The following SLC17A1 variants were observed in gnomAD, a reference collection of about 807,000 sequenced individuals.
SLC17A1 encodes sodium-dependent phosphate transport protein 1.
SLC17A1 carries 51 observed loss-of-function variants against 53.5 expected under a neutral mutation model. The observed-to-expected ratio is 0.95, with a 90% CI of 0.76 to 1.20. The LOEUF (loss-of-function observed/expected upper bound fraction) is 1.20, where lower values mean the gene tolerates loss of function less well. SLC17A1 is among the 50% of genes most tolerant of loss of function. The pLI, the probability that SLC17A1 is intolerant of heterozygous loss-of-function variation, is 0.00. For missense variants in SLC17A1, 538 were observed against 568.2 expected, an observed-to-expected ratio of 0.95 and a Z score of 0.54; for synonymous variants, 179 against 198.8, an observed-to-expected ratio of 0.90 and a Z score of 0.84.
At chr6:25,776,791 G>C in the SLC17A1 span, 1 of 1,613,964 alleles carries the variant, frequency 6.2e-7, no homozygotes, top group Non-Finnish European at 8.5e-7. Context: ...AGTTTACTCT[G>C]TGTTTGTCCT....
At chr6:25,828,677 A>C (rs1161371240) in intron 2 of SLC17A1, among the ~76,000 whole-genome samples, 3 of 151,996 alleles carry the variant, frequency 2.0e-5, no homozygotes, top group African/African-American at 7.2e-5. Flanking sequence ...TATATATTGG[A>C]AGCTATTTTA....
At chr6:25,729,432 T>C in the SLC17A1 span, among the ~76,000 whole-genome samples, 7 of 152,242 alleles carry the variant, frequency 4.6e-5, no homozygotes, top group Admixed American at 2.0e-4. Flanking sequence ...TAGGATAAAG[T>C]AAAGGCAGGA....
At chr6:25,727,414 G>GT in the SLC17A1 span, 1 of 518,738 alleles carries the variant, frequency 1.9e-6, no homozygotes, top group Non-Finnish European at 3.0e-6. Flanking sequence ...TTTTTTTTTT[G>GT]AGGCGGAGTC....
chr6:25,775,038 A>C, the SLC17A1 span, among the ~76,000 whole-genome samples: 1 of 152,302 alleles, frequency 6.6e-6, no homozygotes, highest in Middle Eastern at 3.4e-3. Flanking sequence ...CTATATTGAA[A>C]CATAGAGTGG....
the SLC17A1 span, among the ~76,000 whole-genome samples, chr6:25,749,483 G>A: frequency 4.5e-4 from 64 of 142,322 alleles, no homozygotes; most frequent in Non-Finnish European, 7.9e-4. Flanking sequence ...CCTACAAGGA[G>A]ACAAAACCTA....
the SLC17A1 span, chr6:25,773,783 C>A: frequency 9.1e-7 from 1 of 1,101,094 alleles, no homozygotes; most frequent in Non-Finnish European, 1.3e-6. Flanking sequence ...GGGATTAGGA[C>A]CAGGCAGGAC....
the SLC17A1 span, chr6:25,777,648 C>T: frequency 3.2e-6 from 1 of 310,660 alleles, no homozygotes; most frequent in African/African-American, 2.1e-5. Context: ...ATCTGACCAT[C>T]TTGCATAAAC....
At chr6:25,763,872 G>A in the SLC17A1 span, among the ~76,000 whole-genome samples, 13 of 152,140 alleles carry the variant, frequency 8.5e-5, no homozygotes, top group Non-Finnish European at 7.4e-5. Flanking sequence ...GCTTCTTTCT[G>A]TATCAGTCAG....
Position 25,826,480 on chromosome 6 carries a change from T to A in SLC17A1, c.188A>T (p.Lys63Met). ...PHGLPNTSTKKLLDNIKNPMY... is the reference protein window; with the variant it reads ...PHGLPNTSTKMLLDNIKNPMY... ...ATGTACCTTTATATTATCCAGGAGC[T>A]TCTTTGTGGAGGTGTTGGGCAAACC... is the stretch of plus-strand genomic sequence containing the variant. Residue 63 changes from lysine (K) to methionine (M), a missense_variant, in exon 3 of 13, where the codon AAG becomes ATG. Lys to Met is a moderately conservative substitution (Grantham distance 95). Coordinates refer to ENST00000244527, the MANE Select transcript of SLC17A1 (RefSeq NM_005074.5). 1 of 1,605,772 alleles carries A rather than the reference T, an allele frequency of 6.2e-7. No individual in the cohort carries two copies. Among genetic ancestry groups the A allele is most frequent in the South Asian group, 1.1e-5 (1 of 89,376 alleles).
chr6:25,738,146 A>C, the SLC17A1 span, among the ~76,000 whole-genome samples: 1 of 152,216 alleles, frequency 6.6e-6, no homozygotes, highest in Admixed American at 6.5e-5. Context: ...AAAAAGAATA[A>C]AGTGGTAGGG....
At chr6:25,766,284 AAC>A in the SLC17A1 span, among the ~76,000 whole-genome samples, 19 of 152,016 alleles carry the variant, frequency 1.2e-4, 1 homozygote, top group Non-Finnish European at 2.4e-4. Context: ...TTTTAAAACA[AAC>A]ACAGAAACAA....
At chr6:25,775,843 C>T in the SLC17A1 span, among the ~76,000 whole-genome samples, 8 of 152,074 alleles carry the variant, frequency 5.3e-5, no homozygotes, top group Non-Finnish European at 7.4e-5. Flanking sequence ...AGTAATATGC[C>T]GCTATGCTTA....
the SLC17A1 span, chr6:25,727,214 G>C: frequency 1.2e-6 from 2 of 1,614,048 alleles, no homozygotes; most frequent in Non-Finnish European, 1.7e-6. Context: ...CAGTGCGCTT[G>C]CTACTGCCGG....
chr6:25,799,145 T>C (rs1763676907), intron 11 of SLC17A1, among the ~76,000 whole-genome samples: 1 of 152,176 alleles, frequency 6.6e-6, no homozygotes, highest in African/African-American at 2.4e-5. Flanking sequence ...AGATATTAAG[T>C]TTACTAGTTT....
the SLC17A1 span, chr6:25,732,453 A>T: frequency 3.3e-6 from 1 of 299,582 alleles, no homozygotes; most frequent in Admixed American, 4.2e-5. Context: ...TATGTCTTAG[A>T]CTAGGGAAAC....
the SLC17A1 span, chr6:25,777,891 C>G: frequency 1.3e-6 from 2 of 1,559,150 alleles, no homozygotes; most frequent in Admixed American, 3.4e-5. Flanking sequence ...CGTAGGTATA[C>G]TTGGTTATAA....
At chr6:25,819,288 A>G in intron 5 of SLC17A1, 134 bp from the exon 6 acceptor site, 2 of 698,480 alleles carry the variant, frequency 2.9e-6, no homozygotes, top group South Asian at 2.1e-5. Context: ...TCAGAAGAAA[A>G]TAATAAAAAT....
rs1294184840 is a variant in SLC17A1, at chr6:25,814,362, C to T, written c.617-1149G>A. On this transcript the variant is annotated intron_variant, in intron 6 of 12. Coordinates refer to ENST00000244527, the MANE Select transcript of SLC17A1 (RefSeq NM_005074.5). Reference sequence around the variant, plus strand: ...CAAAAAAGAAAAAAATTATTTTATTCAATCAACTTCCCAAAAATTCATATA... The same window carrying T: ...CAAAAAAGAAAAAAATTATTTTATTTAATCAACTTCCCAAAAATTCATATA... Among the ~76,000 whole-genome samples, 35 of 152,144 alleles carry T rather than the reference C, an allele frequency of 2.3e-4. 1 individual carries two copies. Among genetic ancestry groups the T allele is most frequent in the Admixed American group, 2.3e-3 (35 of 15,282 alleles).
the SLC17A1 span, among the ~76,000 whole-genome samples, chr6:25,773,054 G>C: frequency 1.3e-5 from 2 of 152,222 alleles, no homozygotes; most frequent in African/African-American, 4.8e-5. Context: ...GCCTAGGCTT[G>C]AAACTCCTCC....
Sources: gnomAD v4.1 joint callset for allele counts (sites outside exome capture counted in the v4.1 genomes callset) on GRCh38, gnomAD v4.1.1 for gene constraint, MANE v1.5 for transcripts, NCBI Gene and HGNC (gene_info 2026-07-23, HGNC 2026-07-21) for gene names.